Variants in NCOR2 observed in about 807,000 individuals in gnomAD.
NCOR2 encodes nuclear receptor corepressor 2.
A neutral mutation model predicts 262.9 loss-of-function variants in NCOR2; 81 were observed. The observed-to-expected ratio is 0.31, with a 90% CI of 0.26 to 0.37. NCOR2 has a LOEUF of 0.37. NCOR2 is among the 10% of genes least tolerant of loss of function. The probability of loss-of-function intolerance (pLI) is 1.00; values close to 1 mark genes in which losing one functional copy is unlikely to be tolerated. For synonymous variants in NCOR2, 1,659 were observed against 1,559.3 expected, an observed-to-expected ratio of 1.06 and a Z score of -1.51; for missense variants, 3,385 against 3,621.4, an observed-to-expected ratio of 0.93 and a Z score of 1.68.
At chr12:124,325,392 C>CCCCCCCCCGGGG in exon 47 of NCOR2, 1 of 1,152,268 alleles carries the variant, frequency 8.7e-7, no homozygotes, top group Non-Finnish European at 1.1e-6. Context: ...CCCCCCCGCC[C>CCCCCCCCCGGGG]TGTTCTGAGT....
chr12:124,495,247 G>A lies in NCOR2; in HGVS notation c.5C>T (p.Ser2Leu), dbSNP rs200569241. Residue 2 changes from serine to leucine, a missense_variant, in exon 1 of 47, where the codon TCG (serine) becomes TTG (leucine). By Grantham distance (145) the Ser-to-Leu change is moderately radical. Coordinates refer to ENST00000405201, the Ensembl canonical transcript of NCOR2. The surrounding 1 kb of genome is among the most constrained non-coding windows in gnomAD (Gnocchi z 4.4). ...CTGTGCCACAGGCTGTGTGGATCCC[G>A]ACATGGTGGTGGGGGTCGGCGGGGA... 4.7e-5 allele frequency: 75 copies of A among 1,612,142 alleles called. No individual in the cohort carries two copies. The highest frequency in any genetic ancestry group is 3.5e-4 in the Admixed American group (21 of 59,710).
Position 124,431,242 on chromosome 12 carries a change from GTACA to G in NCOR2, c.883-459_883-456del, listed in dbSNP as rs542673824. On this transcript the variant is annotated intron_variant, in intron 8 of 46. Coordinates refer to ENST00000405201, the Ensembl canonical transcript of NCOR2. Reference sequence around the variant, plus strand: ...GTCAGACAGATATACACAGGCACACGTACATACAGGCACACACAAGTCACACAGG... The same window carrying G: ...GTCAGACAGATATACACAGGCACACGTACAGGCACACACAAGTCACACAGG... Among the ~76,000 whole-genome samples the G allele has an allele frequency of 2.6e-3, 333 of 128,994 alleles. 1 individual carries two copies. The highest frequency in any genetic ancestry group is 9.4e-3 in the African/African-American group (320 of 34,070). The allele number at this position is 128,994 out of a possible 152,430, so 84.6% of individuals were successfully genotyped here.
chr12:124,461,831 C>T (rs1009841097), intron 5 of NCOR2, among the ~76,000 whole-genome samples: 4 of 152,238 alleles, frequency 2.6e-5, no homozygotes, highest in African/African-American at 4.8e-5. Context: ...TGAATGTTCA[C>T]GCATGTGCAC....
At chr12:124,535,365 T>G (rs2051072851) in intron 1 of NCOR2, among the ~76,000 whole-genome samples, 200 bp downstream of exon 2, 1 of 152,170 alleles carries the variant, frequency 6.6e-6, no homozygotes, top group South Asian at 2.1e-4. Context: ...GGCCCATCAC[T>G]GGGGGACCCC....
chr12:124,433,845 TACACACACACACACACACACACACAC>T (rs1204258133), intron 8 of NCOR2, among the ~76,000 whole-genome samples: 1,834 of 18,270 alleles, frequency 0.1, 81 homozygotes, highest in African/African-American at 0.16. Context: ...CTCTCTGTCT[TACACACACACACACACACACACACAC>T]ACACACACAC....
At chr12:124,354,744 C>A in intron 25 of NCOR2, 93 bp downstream of exon 27, 2 of 1,361,296 alleles carry the variant, frequency 1.5e-6, no homozygotes, top group Admixed American at 2.2e-5. Flanking sequence ...CCTGGAGTAC[C>A]GTGGGCCAAG....
chr12:124,388,791 G>T (rs535669235), intron 16 of NCOR2: 3 of 1,302,764 alleles, frequency 2.3e-6, no homozygotes, highest in East Asian at 1.1e-4. Context: ...GGCGGCCGCG[G>T]TCGGCTCTGC....
chr12:124,398,074 C>T, intron 16 of NCOR2, 45 bp downstream of exon 18: 1 of 1,611,912 alleles, frequency 6.2e-7, no homozygotes, highest in Non-Finnish European at 8.5e-7. Flanking sequence ...TTCAGGCGCC[C>T]TGGATGCAAA....
chr12:124,402,726 A>G (rs928440611), intron 13 of NCOR2, among the ~76,000 whole-genome samples, 165 bp from the exon 16 acceptor site: 5 of 152,098 alleles, frequency 3.3e-5, no homozygotes, highest in African/African-American at 7.2e-5. Context: ...CCCCACTGGC[A>G]TGAGATGGGG....
chr12:124,551,416 CAG>C (rs2051710998), intron 1 of NCOR2, among the ~76,000 whole-genome samples: 1 of 152,246 alleles, frequency 6.6e-6, no homozygotes, highest in Non-Finnish European at 1.5e-5. Context: ...CAGCGATACA[CAG>C]AGGCTCGTGG....
At chr12:124,332,583 C>A in intron 42 of NCOR2, 116 bp from the exon 45 acceptor site, 2 of 1,330,930 alleles carry the variant, frequency 1.5e-6, no homozygotes, top group Admixed American at 1.9e-5. Flanking sequence ...CTTCACCCGC[C>A]CCCACGCCTG....
intron 13 of NCOR2, among the ~76,000 whole-genome samples, chr12:124,412,299 C>T (rs1270584443): frequency 1.3e-5 from 2 of 152,244 alleles, no homozygotes; most frequent in African/African-American, 2.4e-5. Context: ...GGTGACAGGG[C>T]GGAGAAGGGC....
chr12:124,535,875 G>A (rs1448471212), upstream of NCOR2, among the ~76,000 whole-genome samples: 1 of 138,932 alleles, frequency 7.2e-6, no homozygotes, highest in East Asian at 2.1e-4. Context: ...AATCCCAGAT[G>A]TGTGGGTTTA....
intron 7 of NCOR2, among the ~76,000 whole-genome samples, chr12:124,441,545 A>G (rs2644404): frequency 0.99 from 150,440 of 152,366 alleles, 74,277 homozygotes; most frequent in East Asian, 1. Context: ...TAACCCAACC[A>G]CCGCTGGCAA....
intron 44 of NCOR2, among the ~76,000 whole-genome samples, chr12:124,330,307 C>T (rs1031684066): frequency 1.3e-5 from 2 of 152,222 alleles, no homozygotes; most frequent in Non-Finnish European, 2.9e-5. Context: ...CTCAAGGGAC[C>T]CCTAAGTCCA....
chr12:124,565,233 G>C (rs2052197447), intron 1 of NCOR2, among the ~76,000 whole-genome samples: 1 of 152,116 alleles, frequency 6.6e-6, no homozygotes, highest in Non-Finnish European at 1.5e-5. Flanking sequence ...GCCAGGGCTG[G>C]GGCCTGCTGC....
At chr12:124,362,961 G>C (rs2038728438) in intron 21 of NCOR2, among the ~76,000 whole-genome samples, 1 of 152,256 alleles carries the variant, frequency 6.6e-6, no homozygotes, top group African/African-American at 2.4e-5. Context: ...GTGATGGACA[G>C]GGGGAGCCCA....
At chr12:124,553,137 C>T (rs2051768079) in intron 1 of NCOR2, among the ~76,000 whole-genome samples, 1 of 152,170 alleles carries the variant, frequency 6.6e-6, no homozygotes, top group Admixed American at 6.5e-5. Flanking sequence ...CGGCTGCCTG[C>T]ACTCCTTGGC....
intron 7 of NCOR2, among the ~76,000 whole-genome samples, chr12:124,446,440 G>C (rs942454235): frequency 6.6e-6 from 1 of 152,010 alleles, no homozygotes; most frequent in African/African-American, 2.4e-5. Context: ...CCAGCCCCCC[G>C]TGACCTGGCC....
Sources: allele counts gnomAD v4.1 joint callset (sites outside exome capture counted in the v4.1 genomes callset), GRCh38; gene constraint gnomAD v4.1.1; non-coding constraint Gnocchi (gnomAD v3.1); transcripts MANE v1.5; gene names NCBI Gene and HGNC (gene_info 2026-07-23, HGNC 2026-07-21).